ARIH1: variants seen among roughly 807,000 people sequenced by gnomAD.
The protein encoded by ARIH1 is ariadne RBR E3 ubiquitin protein ligase 1, also known as E3 ubiquitin-protein ligase ARIH1.
Under a neutral mutation model 85.0 loss-of-function variants are expected in ARIH1, and 8 were observed. The ratio of observed to expected loss-of-function variants is 0.09; its 90% confidence interval spans 0.06 to 0.17. The LOEUF (loss-of-function observed/expected upper bound fraction) is 0.17. ARIH1 is among the 10% of genes least tolerant of loss of function. ARIH1 has a pLI of 1.00. For missense variants in ARIH1, 311 were observed against 718.1 expected (o/e 0.43, Z 6.48); for synonymous variants, 238 against 253.6 (o/e 0.94, Z 0.59).
chr15:72,512,368 A>G (rs1002461680), intron 1 of ARIH1, among the ~76,000 whole-genome samples: 2 of 152,004 alleles, frequency 1.3e-5, no homozygotes, highest in South Asian at 2.1e-4. Flanking sequence ...AGGTTTAGTA[A>G]TTTGTGTCTT....
intron 1 of ARIH1, among the ~76,000 whole-genome samples, chr15:72,480,123 C>G (rs921736825): frequency 6.6e-6 from 1 of 152,074 alleles, no homozygotes; most frequent in African/African-American, 2.4e-5. Context: ...CCCACCTCGG[C>G]CTGCCAAAGT....
intron 1 of ARIH1, among the ~76,000 whole-genome samples, chr15:72,509,884 C>T (rs2063942306): frequency 6.6e-6 from 1 of 151,684 alleles, no homozygotes; most frequent in Admixed American, 6.6e-5. Context: ...CACCAATCGC[C>T]CACTCCAGCC....
At chr15:72,515,074 G>A (rs1036277541) in intron 1 of ARIH1, among the ~76,000 whole-genome samples, 9 of 152,040 alleles carry the variant, frequency 5.9e-5, no homozygotes, top group Admixed American at 1.3e-4. Context: ...ATAACTGCTG[G>A]CCTGTAATCC....
chr15:72,565,044 C>G (rs1466171541), intron 7 of ARIH1, among the ~76,000 whole-genome samples: 1 of 151,980 alleles, frequency 6.6e-6, no homozygotes, highest in Non-Finnish European at 1.5e-5. Flanking sequence ...TCAAGGGGCT[C>G]TAGACCCAGC....
At chr15:72,577,892 T>G (rs2064278870) in intron 11 of ARIH1, among the ~76,000 whole-genome samples, 1 of 152,304 alleles carries the variant, frequency 6.6e-6, no homozygotes, top group East Asian at 1.9e-4. Flanking sequence ...CTAAAAATGT[T>G]TCTGTATAGT....
intron 9 of ARIH1, 24 bp from the exon 10 acceptor site, chr15:72,570,153 C>G: frequency 1.9e-6 from 3 of 1,611,866 alleles, no homozygotes; most frequent in Non-Finnish European, 1.7e-6. Flanking sequence ...GCATTGACAC[C>G]AACTTTATAG....
intron 3 of ARIH1, among the ~76,000 whole-genome samples, chr15:72,550,040 C>G (rs1226967448): frequency 2.6e-5 from 4 of 152,140 alleles, no homozygotes; most frequent in Admixed American, 6.6e-5. Flanking sequence ...ATAATATGTT[C>G]CTCGAAAGCA....
intron 11 of ARIH1, among the ~76,000 whole-genome samples, chr15:72,573,064 T>C (rs906164819): frequency 3.3e-5 from 5 of 152,222 alleles, no homozygotes; most frequent in African/African-American, 9.6e-5. Context: ...AATTCCCCAG[T>C]TGTCCCAGAA....
intron 6 of ARIH1, 94 bp from the exon 7 acceptor site, chr15:72,563,300 C>A: frequency 9.8e-7 from 1 of 1,022,730 alleles, no homozygotes; most frequent in Non-Finnish European, 1.5e-6. Context: ...CTCAAACAGT[C>A]CTCCCGCCTT....
chr15:72,574,012 T>A (rs2064259453), intron 11 of ARIH1, among the ~76,000 whole-genome samples: 1 of 152,240 alleles, frequency 6.6e-6, no homozygotes, highest in Admixed American at 6.5e-5. Context: ...CCAGAATGTA[T>A]TATGGATATA....
intron 2 of ARIH1, among the ~76,000 whole-genome samples, chr15:72,530,483 G>A (rs1179021271): frequency 2.0e-5 from 3 of 152,186 alleles, no homozygotes; most frequent in Admixed American, 6.5e-5. Flanking sequence ...TGTCTTTTGG[G>A]TAGTCCAGAA....
intron 1 of ARIH1, among the ~76,000 whole-genome samples, chr15:72,475,735 AAAC>A (rs1269931209): frequency 2.6e-5 from 4 of 152,340 alleles, no homozygotes; most frequent in African/African-American, 9.6e-5. Context: ...CTTGTAGCTA[AAAC>A]AACAACAAAA....
intron 1 of ARIH1, among the ~76,000 whole-genome samples, chr15:72,516,301 C>G (rs2063974793): frequency 6.6e-6 from 1 of 152,098 alleles, no homozygotes; most frequent in Non-Finnish European, 1.5e-5. Context: ...AGACTTAAGT[C>G]TCTTGATTGA....
chr15:72,570,391 C>T (rs947279901), intron 10 of ARIH1, 84 bp downstream of exon 10: 9 of 1,520,362 alleles, frequency 5.9e-6, no homozygotes, highest in Non-Finnish European at 8.1e-6. Context: ...TCATAGATAT[C>T]ACCATCTAAC....
In ARIH1 at chr15:72,602,367, T is replaced by C. The variant is rs2064384885; in HGVS notation, c.*19075T>C. ...GAAATGGAAAGTATCTCTTGGAAAC[T>C]AATTTGCATGTTTTTTTTCCTTGCA... is the stretch of plus-strand genomic sequence containing the variant. On this transcript the variant is annotated 3_prime_UTR_variant, in exon 14 of 14. Coordinates refer to ENST00000379887, the MANE Select transcript of ARIH1 (RefSeq NM_005744.5). The C allele has an allele frequency of 1.3e-5, 2 of 152,270 alleles. No homozygotes were observed. Among genetic ancestry groups the C allele is most frequent in the African/African-American group, 4.8e-5 (2 of 41,480 alleles). The allele number at this position is 152,270 out of a possible 1,614,324, so 9.4% of individuals were successfully genotyped here.
chr15:72,535,906 G>A (rs1403306509), intron 2 of ARIH1, among the ~76,000 whole-genome samples: 1 of 152,162 alleles, frequency 6.6e-6, no homozygotes, highest in Non-Finnish European at 1.5e-5. Context: ...TTTTGAAAAA[G>A]TAATACAATC....
At chr15:72,542,358 G>A (rs2064111050) in intron 2 of ARIH1, among the ~76,000 whole-genome samples, 1 of 152,104 alleles carries the variant, frequency 6.6e-6, no homozygotes, top group Non-Finnish European at 1.5e-5. Flanking sequence ...ATGAAACAAA[G>A]ATTTACTCTT....
At chr15:72,531,736 A>G (rs1595862983) in intron 2 of ARIH1, among the ~76,000 whole-genome samples, 1 of 152,350 alleles carries the variant, frequency 6.6e-6, no homozygotes, top group South Asian at 2.1e-4. Flanking sequence ...GTAAGATGAT[A>G]CCTCAGTCTT....
intron 11 of ARIH1, among the ~76,000 whole-genome samples, chr15:72,572,587 A>G (rs1184651774): frequency 1.3e-5 from 2 of 152,184 alleles, no homozygotes; most frequent in East Asian, 1.9e-4. Flanking sequence ...TTGGATATCT[A>G]TTTACATTTA....
Sources: allele counts gnomAD v4.1 joint callset (sites outside exome capture counted in the v4.1 genomes callset), GRCh38; gene constraint gnomAD v4.1.1; transcripts MANE v1.5; gene names NCBI Gene and HGNC (gene_info 2026-07-23, HGNC 2026-07-21).